FBXO16: variants seen among roughly 807,000 people sequenced by gnomAD.
FBXO16 encodes the protein F-box only protein 16.
FBXO16 carries 31 observed loss-of-function variants against 41.0 expected under a neutral mutation model. The ratio of observed to expected loss-of-function variants is 0.76; its 90% CI spans 0.57 to 1.02. The LOEUF (loss-of-function observed/expected upper bound fraction) is 1.02. FBXO16 is among the 50% of genes least tolerant of loss of function. The probability of loss-of-function intolerance (pLI) is 0.00; values close to 1 mark genes in which losing one functional copy is unlikely to be tolerated. For missense variants in FBXO16, 361 were observed against 346.2 expected (o/e 1.04, Z -0.34); for synonymous variants, 133 against 117.8 (o/e 1.13, Z -0.84).
At chr8:28,447,872 C>T (rs1051444886) in intron 6 of FBXO16, among the ~76,000 whole-genome samples, 3 of 152,006 alleles carry the variant, frequency 2.0e-5, no homozygotes, top group African/African-American at 4.8e-5. Flanking sequence ...GAGAATCACT[C>T]GAACCCAGGA....
Position 28,477,487 on chromosome 8 carries a change from G to C in FBXO16, c.100-3680C>G, listed in dbSNP as rs1407262811. Among the ~76,000 whole-genome samples, 11 of 152,176 alleles carry C rather than the reference G, an allele frequency of 7.2e-5. 1 individual carries two copies. The highest frequency in any genetic ancestry group is 7.2e-4 in the Admixed American group (11 of 15,274). On this transcript the variant is annotated intron_variant, in intron 2 of 8. Coordinates refer to ENST00000380254, the MANE Select transcript of FBXO16 (RefSeq NM_172366.4). Reference sequence around the variant, plus strand: ...ATTTTACAAAGGAGGATAAAGCCCAGAGAAGGTAAAACTGGTACAGCTGAT... The same window carrying C: ...ATTTTACAAAGGAGGATAAAGCCCACAGAAGGTAAAACTGGTACAGCTGAT...
intron 2 of FBXO16, among the ~76,000 whole-genome samples, chr8:28,477,681 C>T (rs1803444256): frequency 6.6e-6 from 1 of 152,194 alleles, no homozygotes; most frequent in South Asian, 2.1e-4. Flanking sequence ...TCTTCTAACA[C>T]ACCCTCCTCT....
Position 28,477,921 on chromosome 8 carries a change from G to A in FBXO16, c.100-4114C>T, listed in dbSNP as rs377091794. Reference sequence around the variant, plus strand: ...CTAGCTACTTGGGGGAATGAGACAGGAAGATAGCTTGAGCCCAGGAGGTGG... The same window carrying A: ...CTAGCTACTTGGGGGAATGAGACAGAAAGATAGCTTGAGCCCAGGAGGTGG... On this transcript the variant is annotated intron_variant, in intron 2 of 8. Coordinates refer to ENST00000380254, the MANE Select transcript of FBXO16 (RefSeq NM_172366.4). 8.5e-5 allele frequency among the ~76,000 whole-genome samples: 13 copies of A among 152,282 alleles called. No homozygotes were observed. The South Asian group carries it at 1.0e-3, about 12-fold the overall frequency.
intron 3 of FBXO16, among the ~76,000 whole-genome samples, chr8:28,467,453 T>C (rs1015338670): frequency 6.6e-6 from 1 of 152,208 alleles, no homozygotes; most frequent in Non-Finnish European, 1.5e-5. Flanking sequence ...TGTAGGGTGG[T>C]TGTGAGGATT....
intron 4 of FBXO16, among the ~76,000 whole-genome samples, chr8:28,458,269 G>A (rs1803068522): frequency 6.6e-6 from 1 of 152,202 alleles, no homozygotes; most frequent in African/African-American, 2.4e-5. Flanking sequence ...ATGTGCAGAA[G>A]ATGAGATGTT....
At chr8:28,465,991 C>T (rs1437509213) in intron 3 of FBXO16, among the ~76,000 whole-genome samples, 1 of 152,130 alleles carries the variant, frequency 6.6e-6, no homozygotes, top group Non-Finnish European at 1.5e-5. Context: ...CGTGGTGGCT[C>T]ATGCCTGGGA....
At position 28,448,185 on chromosome 8, in the gene FBXO16, A is replaced by T. The variant is rs1802895915; in HGVS notation, c.741-912T>A. ...TGAGACCCTATCTCTACAAAAGATT[A>T]AAAAATTTAGCTGGGCATGGTGGTG... On this transcript the variant is annotated intron_variant, in intron 6 of 8. Transcript: ENST00000380254. Among the ~76,000 whole-genome samples, 3 of 151,738 alleles carry T rather than the reference A, an allele frequency of 2.0e-5. No homozygotes were observed. The South Asian group carries it at 6.3e-4, about 32-fold the overall frequency.
At chr8:28,440,897 A>G (rs1802762066) in intron 7 of FBXO16, among the ~76,000 whole-genome samples, 1 of 152,132 alleles carries the variant, frequency 6.6e-6, no homozygotes, top group Admixed American at 6.5e-5. Flanking sequence ...TTTATACTTG[A>G]TAAAGGAAAA....
intron 7 of FBXO16, among the ~76,000 whole-genome samples, chr8:28,437,561 C>G (rs1215201340): frequency 6.6e-6 from 1 of 152,192 alleles, no homozygotes; most frequent in African/African-American, 2.4e-5. Flanking sequence ...ATTCTTCAGT[C>G]TAGGAGCATG....
intron 7 of FBXO16, among the ~76,000 whole-genome samples, chr8:28,433,746 A>C (rs186021970): frequency 6.6e-6 from 1 of 152,240 alleles, no homozygotes; most frequent in Admixed American, 6.5e-5. Flanking sequence ...TTGCAGGTGG[A>C]CTTTGCATGG....
intron 6 of FBXO16, among the ~76,000 whole-genome samples, chr8:28,452,006 A>AG (rs1195198900): frequency 6.6e-6 from 1 of 151,912 alleles, no homozygotes; most frequent in African/African-American, 2.4e-5. Flanking sequence ...AAAAAAAAAA[A>AG]AAAAAAAATT....
At position 28,432,225 on chromosome 8, in the gene FBXO16, G is replaced by A. The variant is rs552828145; in HGVS notation, c.844-2822C>T. ...GCAGTGGCTCACGCCTGTAATCCCA[G>A]CACTTTGGGAGGCCGATGTGGGCGG... On this transcript the variant is annotated intron_variant, in intron 7 of 8. Coordinates refer to ENST00000380254, the MANE Select transcript of FBXO16 (RefSeq NM_172366.4). Among the ~76,000 whole-genome samples, 41 of 151,596 alleles carry A rather than the reference G, an allele frequency of 2.7e-4. 1 individual carries two copies. The highest frequency in any genetic ancestry group is 5.7e-4 in the Non-Finnish European group (39 of 67,962).
chr8:28,463,285 T>C (rs1430764684), intron 4 of FBXO16, among the ~76,000 whole-genome samples: 2 of 151,960 alleles, frequency 1.3e-5, no homozygotes, highest in African/African-American at 2.4e-5. Context: ...TGCATGTGTA[T>C]ATGTATGTTT....
chr8:28,474,438 T>C (rs923098407), intron 2 of FBXO16, among the ~76,000 whole-genome samples: 1 of 147,446 alleles, frequency 6.8e-6, no homozygotes, highest in Non-Finnish European at 1.5e-5. Context: ...AAAAATGGAA[T>C]TATAAAGAGA....
chr8:28,461,366 A>G (rs1803131647), intron 4 of FBXO16, among the ~76,000 whole-genome samples: 1 of 152,156 alleles, frequency 6.6e-6, no homozygotes, highest in African/African-American at 2.4e-5. Flanking sequence ...GCAATATATG[A>G]AAGTTCTTGT....
intron 3 of FBXO16, among the ~76,000 whole-genome samples, chr8:28,465,625 A>T (rs532303340): frequency 5.3e-5 from 8 of 152,238 alleles, no homozygotes; most frequent in African/African-American, 1.9e-4. Context: ...TAAAAATAAA[A>T]AAAAAATAAA....
At position 28,484,815 on chromosome 8, in the gene FBXO16, G is replaced by A. The variant is rs536504952; in HGVS notation, c.-16-1353C>T. On this transcript the variant is annotated intron_variant, in intron 1 of 8. Transcript: ENST00000380254. Reference sequence around the variant, plus strand: ...TCACCGTGTTAGCCAGGATGGTCTCGATCTCCTGACCTCATGATCCACCCC... The same window carrying A: ...TCACCGTGTTAGCCAGGATGGTCTCAATCTCCTGACCTCATGATCCACCCC... Among the ~76,000 whole-genome samples the A allele has an allele frequency of 7.2e-5, 11 of 152,150 alleles. 1 individual carries two copies. The East Asian group carries it at 1.9e-3, about 27-fold the overall frequency.
chr8:28,482,644 C>G (rs964942927), intron 2 of FBXO16, among the ~76,000 whole-genome samples: 1 of 152,088 alleles, frequency 6.6e-6, no homozygotes, highest in East Asian at 1.9e-4. Flanking sequence ...GATCTTGGCT[C>G]ACTGCAACCT....
intron 2 of FBXO16, among the ~76,000 whole-genome samples, chr8:28,474,316 C>CAAAAAAAAAAAAAAAAAAAAA: frequency 3.5e-5 from 2 of 56,674 alleles, no homozygotes; most frequent in African/African-American, 6.4e-5. Flanking sequence ...CAGACCCTGT[C>CAAAAAAAAAAAAAAAAAAAAA]AAAAAAAAAA....
Sources: gnomAD v4.1 joint callset for allele counts (sites outside exome capture counted in the v4.1 genomes callset) on GRCh38, gnomAD v4.1.1 for gene constraint, MANE v1.5 for transcripts, NCBI Gene and HGNC (gene_info 2026-07-23, HGNC 2026-07-21) for gene names.